Variants in BCO1 observed in about 807,000 individuals in gnomAD.
BCO1 encodes the protein beta,beta-carotene 15,15'-dioxygenase.
BCO1 carries 54 observed loss-of-function variants against 56.3 expected under a neutral mutation model. The observed-to-expected ratio is 0.96, with a 90% CI of 0.77 to 1.20. The LOEUF is 1.20. BCO1 is among the 50% of genes most tolerant of loss of function. The probability of loss-of-function intolerance (pLI) is 0.00; values close to 1 mark genes in which losing one functional copy is unlikely to be tolerated. For synonymous variants in BCO1, 318 were observed against 266.1 expected, an observed-to-expected ratio of 1.20 and a Z score of -1.90; for missense variants, 801 against 690.9, an observed-to-expected ratio of 1.16 and a Z score of -1.79.
chr16:81,264,223 G>A (rs1434862685), intron 4 of BCO1: 1 of 278,578 alleles, frequency 3.6e-6, no homozygotes, highest in African/African-American at 2.2e-5. Flanking sequence ...ACAGAACTGT[G>A]GCCAAGATTA....
intron 2 of BCO1, among the ~76,000 whole-genome samples, chr16:81,248,366 G>A (rs7197095): frequency 0.42 from 59,642 of 141,140 alleles, 12,375 homozygotes; most frequent in Middle Eastern, 0.57. Context: ...TTGCACCATT[G>A]CACTCCAGCC....
chr16:81,287,405 C>A lies in BCO1; in HGVS notation c.1413C>A (p.Asp471Glu), dbSNP rs763950117. ...VPAPGAKDED[D>E]GVILSAIVST... ...CGCCAGGTGCCAAGGATGAGGATGACGGTAAGACTCTAAGAAGCCACGCCT... is the reference window on the plus strand; with the variant it reads ...CGCCAGGTGCCAAGGATGAGGATGAAGGTAAGACTCTAAGAAGCCACGCCT... The change falls in exon 10 of 11, where the codon GAC becomes GAA. Residue 471 changes from aspartate (D) to glutamate (E), a missense_variant and splice_region_variant. Physicochemically the swap from Asp to Glu is conservative, Grantham distance 45 (BLOSUM62 2). Transcript: ENST00000258168. The A allele has an allele frequency of 1.2e-6, 2 of 1,612,404 alleles. No individual in the cohort carries two copies. Among genetic ancestry groups the A allele is most frequent in the Non-Finnish European group, 1.7e-6 (2 of 1,178,916 alleles).
chr16:81,269,089 G>A (rs1239079138), intron 6 of BCO1, among the ~76,000 whole-genome samples: 1 of 21,238 alleles, frequency 4.7e-5, no homozygotes, highest in Non-Finnish European at 8.5e-5. Context: ...TTTTTTTTTT[G>A]CGTTGTCACT....
At chr16:81,270,788 A>G (rs1054070815) in intron 7 of BCO1, among the ~76,000 whole-genome samples, 2 of 151,050 alleles carry the variant, frequency 1.3e-5, no homozygotes, top group South Asian at 2.1e-4. Context: ...TCTGTCACCC[A>G]GGCTGGAGTG....
intron 7 of BCO1, 110 bp downstream of exon 7, chr16:81,270,526 G>T: frequency 1.8e-6 from 2 of 1,092,384 alleles, no homozygotes; most frequent in Non-Finnish European, 2.5e-6. Flanking sequence ...AACTGTTCTT[G>T]AAAAAAAAAA....
At chr16:81,288,554 T>A (rs1249820613) in intron 10 of BCO1, among the ~76,000 whole-genome samples, 1 of 152,222 alleles carries the variant, frequency 6.6e-6, no homozygotes, top group African/African-American at 2.4e-5. Flanking sequence ...TGTGAGCCAG[T>A]GCACCTGGCC....
chr16:81,269,198 C>T (rs953940012), intron 6 of BCO1, among the ~76,000 whole-genome samples: 10 of 151,642 alleles, frequency 6.6e-5, no homozygotes, highest in African/African-American at 2.2e-4. Context: ...CTCACTTCCC[C>T]CCTCCTGCCT....
At chr16:81,241,697 C>T (rs891132596) in intron 1 of BCO1, among the ~76,000 whole-genome samples, 2 of 152,194 alleles carry the variant, frequency 1.3e-5, no homozygotes, top group African/African-American at 4.8e-5. Context: ...GGCAGAGGGG[C>T]AGTGACTTGC....
At chr16:81,275,024 A>G (rs1206474414) in intron 7 of BCO1, among the ~76,000 whole-genome samples, 1 of 152,236 alleles carries the variant, frequency 6.6e-6, no homozygotes, top group Non-Finnish European at 1.5e-5. Flanking sequence ...TTGTCCCTTA[A>G]ATATGTCTTC....
rs1406795240 is a variant in BCO1, at chr16:81,290,782, T to G, written c.*205T>G. The G allele has an allele frequency of 3.5e-6, 2 of 576,464 alleles. No homozygotes were observed. Among genetic ancestry groups the G allele is most frequent in the South Asian group, 2.2e-5 (1 of 45,272 alleles). 35.7% of individuals were successfully genotyped at this position (576,464 alleles called of 1,614,324 possible). Reference sequence around the variant, plus strand: ...AAAATTTTGTTTGAAAGTCAAACATTTGAACATCAAATATGTATTGATTAG... The same window carrying G: ...AAAATTTTGTTTGAAAGTCAAACATGTGAACATCAAATATGTATTGATTAG... On this transcript the variant is annotated 3_prime_UTR_variant, in exon 11 of 11. Coordinates refer to ENST00000258168, the MANE Select transcript of BCO1 (RefSeq NM_017429.3).
At chr16:81,282,988 C>G (rs1223086815) in intron 8 of BCO1, among the ~76,000 whole-genome samples, 2 of 152,190 alleles carry the variant, frequency 1.3e-5, no homozygotes, top group Admixed American at 1.3e-4. Flanking sequence ...AATATTAGAA[C>G]AGTCCTAAGA....
intron 7 of BCO1, among the ~76,000 whole-genome samples, chr16:81,278,772 A>C (rs994846894): frequency 1.3e-5 from 2 of 152,154 alleles, no homozygotes; most frequent in Non-Finnish European, 2.9e-5. Flanking sequence ...CAAAGAATCA[A>C]TGCAAAGGCC....
At chr16:81,250,739 C>T (rs1218628864) in intron 2 of BCO1, among the ~76,000 whole-genome samples, 1 of 151,984 alleles carries the variant, frequency 6.6e-6, no homozygotes, top group Non-Finnish European at 1.5e-5. Flanking sequence ...AGCCACCATG[C>T]CCAGCTAATT....
At chr16:81,244,593 T>C (rs1255377286) in intron 1 of BCO1, among the ~76,000 whole-genome samples, 1 of 151,818 alleles carries the variant, frequency 6.6e-6, no homozygotes, top group Non-Finnish European at 1.5e-5. Context: ...ATACCTACTC[T>C]CCCTCAAGAC....
Position 81,287,118 on chromosome 16 carries a change from G to C in BCO1, c.1303-177G>C, listed in dbSNP as rs112955368. On this transcript the variant is annotated intron_variant, in intron 9 of 10. Coordinates refer to ENST00000258168, the MANE Select transcript of BCO1 (RefSeq NM_017429.3). Reference sequence around the variant, plus strand: ...ACAAAAAACTGGGGGAGGAGAGTTAGCTCCTGTCCTTTCTTGGCTGTGCTC... The same window carrying C: ...ACAAAAAACTGGGGGAGGAGAGTTACCTCCTGTCCTTTCTTGGCTGTGCTC... 1.1e-3 allele frequency among the ~76,000 whole-genome samples: 165 copies of C among 152,240 alleles called. 2 individuals are homozygous for C. Among genetic ancestry groups the C allele is most frequent in the African/African-American group, 3.5e-3 (145 of 41,572 alleles).
At chr16:81,252,239 G>A (rs1905852453) in intron 2 of BCO1, among the ~76,000 whole-genome samples, 1 of 151,702 alleles carries the variant, frequency 6.6e-6, no homozygotes, top group Non-Finnish European at 1.5e-5. Context: ...GTGTGTGTGG[G>A]TGTGTGTTTT....
chr16:81,267,235 G>C (rs1019498774), intron 5 of BCO1, among the ~76,000 whole-genome samples: 2 of 152,152 alleles, frequency 1.3e-5, no homozygotes, highest in Non-Finnish European at 2.9e-5. Flanking sequence ...TGACCATAAT[G>C]ATAGCCCATT....
chr16:81,262,229 A>C lies in BCO1; in HGVS notation c.417A>C (p.Ser139=). 6.2e-7 allele frequency: 1 copy of C among 1,613,924 alleles called. No homozygotes were observed. Among genetic ancestry groups the C allele is most frequent in the Non-Finnish European group, 8.5e-7 (1 of 1,179,828 alleles). The change falls in exon 4 of 11, where the codon TCA becomes TCC. Residue 139 remains serine, a synonymous_variant. Transcript: ENST00000258168. The part of the protein sequence containing the change: ...MKCGEDFYAT[S]ETNYIRKINP... ...GCGGAGAAGACTTCTACGCGACCTCAGAGACCAATTACATCAGGAAAATCA... is the reference window on the plus strand; with the variant it reads ...GCGGAGAAGACTTCTACGCGACCTCCGAGACCAATTACATCAGGAAAATCA...
At chr16:81,260,438 G>T (rs1290912275) in intron 3 of BCO1, among the ~76,000 whole-genome samples, 2 of 152,140 alleles carry the variant, frequency 1.3e-5, no homozygotes, top group Non-Finnish European at 1.5e-5. Context: ...ATGCACAGGG[G>T]CAGATGGATG....
Sources: allele counts gnomAD v4.1 joint callset (sites outside exome capture counted in the v4.1 genomes callset), GRCh38; gene constraint gnomAD v4.1.1; transcripts MANE v1.5; gene names NCBI Gene and HGNC (gene_info 2026-07-23, HGNC 2026-07-21).